Variants in USP40 observed in about 807,000 individuals in gnomAD.
USP40 encodes ubiquitin carboxyl-terminal hydrolase 40.
In USP40, 143 loss-of-function variants were observed where a neutral mutation model predicts 166.2. That is an observed-to-expected ratio of 0.86 (90% CI 0.75 to 0.99). USP40 has a LOEUF of 0.99. Ranked by LOEUF, USP40 falls within the 50% of genes least tolerant of loss-of-function variation. USP40 has a pLI of 0.00. For synonymous variants in USP40, 498 were observed against 524.0 expected, an observed-to-expected ratio of 0.95 and a Z score of 0.68; for missense variants, 1,444 against 1,479.7, an observed-to-expected ratio of 0.98 and a Z score of 0.40.
intron 26 of USP40, 60 bp from the exon 27 acceptor site, chr2:233,489,543 G>T: frequency 7.4e-7 from 1 of 1,352,464 alleles, no homozygotes; most frequent in Non-Finnish European, 1.0e-6. Flanking sequence ...AAAACATACT[G>T]TTTTAGAAAA....
chr2:233,559,900 G>GT lies in USP40; in HGVS notation c.291dup (p.Gln98ThrfsTer22). ...AGCAGAAGCTGAGCAAACAAGCGCT[G>GT]TAACTGTAAAGGGATGATTCGAACC... On this transcript the variant is annotated frameshift_variant, in exon 4 of 32. Coordinates refer to ENST00000678225, the MANE Select transcript of USP40 (RefSeq NM_001365479.2). LOFTEE classifies it high-confidence loss of function. 2 of 1,607,850 alleles carry GT rather than the reference G, an allele frequency of 1.2e-6. No homozygotes were observed. The highest frequency in any genetic ancestry group is 1.7e-6 in the Non-Finnish European group (2 of 1,177,232).
chr2:233,539,981 T>C (rs925021276), intron 10 of USP40, among the ~76,000 whole-genome samples: 1 of 151,696 alleles, frequency 6.6e-6, no homozygotes, highest in African/African-American at 2.4e-5. Flanking sequence ...AAAAATTAGC[T>C]AGGTGCAGTG....
chr2:233,544,769 C>T (rs1047114920), intron 8 of USP40, among the ~76,000 whole-genome samples: 3 of 152,056 alleles, frequency 2.0e-5, no homozygotes, highest in Non-Finnish European at 4.4e-5. Flanking sequence ...AATATAACCA[C>T]GACCTAGAAA....
At chr2:233,512,778 AAAAACAAAAAC>A in intron 18 of USP40, 156 bp from the exon 19 acceptor site, 1 of 362,170 alleles carries the variant, frequency 2.8e-6, no homozygotes, top group Non-Finnish European at 4.9e-6. Flanking sequence ...ACAGAAAGCT[AAAAACAAAAAC>A]AAACCAAAAA....
chr2:233,541,160 G>A (rs1307045771), intron 9 of USP40, among the ~76,000 whole-genome samples: 1 of 152,204 alleles, frequency 6.6e-6, no homozygotes, highest in African/African-American at 2.4e-5. Context: ...ATGTTTTGAA[G>A]TATAAACAAG....
intron 14 of USP40, among the ~76,000 whole-genome samples, chr2:233,525,205 C>A (rs1200643845): frequency 6.6e-6 from 1 of 152,162 alleles, no homozygotes; most frequent in Non-Finnish European, 1.5e-5. Context: ...ATAAAAAATT[C>A]TAAAGCTTTT....
At chr2:233,528,621 T>G (rs1468129877) in intron 12 of USP40, among the ~76,000 whole-genome samples, 3 of 152,228 alleles carry the variant, frequency 2.0e-5, no homozygotes, top group African/African-American at 2.4e-5. Context: ...ATGCAGGTTA[T>G]TTTTTAGACT....
At chr2:233,508,997 T>C (rs1336693607) in intron 21 of USP40, among the ~76,000 whole-genome samples, 2 of 152,190 alleles carry the variant, frequency 1.3e-5, no homozygotes, top group Admixed American at 1.3e-4. Flanking sequence ...CTTTCTGTGA[T>C]GGTAAGATGT....
At chr2:233,556,331 A>C (rs570694781) in intron 5 of USP40, among the ~76,000 whole-genome samples, 1 of 152,270 alleles carries the variant, frequency 6.6e-6, no homozygotes, top group African/African-American at 2.4e-5. Flanking sequence ...ATGTGTCATT[A>C]CAAAGAACTG....
chr2:233,502,739 T>C (rs765792157), intron 21 of USP40, among the ~76,000 whole-genome samples: 10 of 151,722 alleles, frequency 6.6e-5, no homozygotes, highest in East Asian at 1.9e-4. Context: ...ACCTAGGAAA[T>C]TGAGGCAACT....
chr2:233,542,378 A>G lies in USP40; in HGVS notation c.967-15T>C. ...CTTTTTTCCTCCTAGGAAGGAAAACAGTATGAGTTTCTATCACTAACCCCT... is the reference window on the plus strand; with the variant it reads ...CTTTTTTCCTCCTAGGAAGGAAAACGGTATGAGTTTCTATCACTAACCCCT... On this transcript the variant is annotated splice_polypyrimidine_tract_variant and intron_variant, in intron 8 of 31. Transcript: ENST00000678225. 1 of 1,473,568 alleles carries G rather than the reference A, an allele frequency of 6.8e-7. No homozygotes were observed. Among genetic ancestry groups the G allele is most frequent in the Non-Finnish European group, 9.2e-7 (1 of 1,083,830 alleles). The allele number at this position is 1,473,568 out of a possible 1,614,324, so 91.3% of individuals were successfully genotyped here.
chr2:233,499,088 A>C (rs1575240361), intron 22 of USP40, among the ~76,000 whole-genome samples: 1 of 152,084 alleles, frequency 6.6e-6, no homozygotes, highest in East Asian at 1.9e-4. Context: ...TGCACCTATC[A>C]ACTCATCACC....
At chr2:233,516,170 T>C (rs2067178338) in intron 18 of USP40, among the ~76,000 whole-genome samples, 1 of 151,678 alleles carries the variant, frequency 6.6e-6, no homozygotes, top group Non-Finnish European at 1.5e-5. Flanking sequence ...CTCCTCTCTA[T>C]ATGTCTACCT....
Position 233,477,606 on chromosome 2 carries a change from G to A in USP40, c.3600-103C>T, listed in dbSNP as rs548846024. 4.6e-5 allele frequency: 46 copies of A among 993,416 alleles called. 1 individual carries two copies. The African/African-American group carries it at 6.6e-4, about 14-fold the overall frequency. The allele number at this position is 993,416 out of a possible 1,614,324, so 61.5% of individuals were successfully genotyped here. ...TACACTCCAATTTTATAGGCCACAA[G>A]GACGTGCATTTGCAATTGCACAGAC... is the stretch of plus-strand genomic sequence containing the variant. On this transcript the variant is annotated intron_variant, in intron 31 of 31. Coordinates refer to ENST00000678225, the MANE Select transcript of USP40 (RefSeq NM_001365479.2).
chr2:233,556,601 TC>T (rs2071121517), intron 5 of USP40: 1 of 223,254 alleles, frequency 4.5e-6, no homozygotes, highest in Admixed American at 5.6e-5. Context: ...TTTGTAAATA[TC>T]CCCCAAATCT....
intron 18 of USP40, 69 bp from the exon 19 acceptor site, chr2:233,512,691 A>G (rs2066922019): frequency 1.2e-6 from 1 of 834,844 alleles, no homozygotes; most frequent in Non-Finnish European, 1.7e-6. Context: ...TATTATCAAA[A>G]TAAAAGGAAG....
At chr2:233,506,531 G>A (rs2066426832) in intron 21 of USP40, among the ~76,000 whole-genome samples, 1 of 152,044 alleles carries the variant, frequency 6.6e-6, no homozygotes, top group African/African-American at 2.4e-5. Flanking sequence ...AAAAGCTTTT[G>A]TACAGCAAAA....
At chr2:233,513,726 T>C (rs1375289339) in intron 18 of USP40, among the ~76,000 whole-genome samples, 1 of 152,210 alleles carries the variant, frequency 6.6e-6, no homozygotes, top group African/African-American at 2.4e-5. Flanking sequence ...TCGGCCAGCA[T>C]GTGCTATGTT....
chr2:233,529,621 A>T, intron 11 of USP40, 109 bp from the exon 12 acceptor site: 1 of 654,140 alleles, frequency 1.5e-6, no homozygotes, highest in African/African-American at 1.8e-5. Flanking sequence ...GAAAGCTGCT[A>T]CTAATTAGCT....
Sources: allele counts gnomAD v4.1 joint callset (sites outside exome capture counted in the v4.1 genomes callset), GRCh38; gene constraint gnomAD v4.1.1; transcripts MANE v1.5; gene names NCBI Gene and HGNC (gene_info 2026-07-23, HGNC 2026-07-21).